The following CFB variants were observed in gnomAD, a reference collection of about 807,000 sequenced individuals.
CFB encodes the protein complement factor B, also known as B-factor, properdin.
Under a neutral mutation model 97.2 loss-of-function variants are expected in CFB, and 59 were observed. The observed-to-expected ratio is 0.61, with a 90% CI of 0.49 to 0.75. The LOEUF is 0.75. Among genes scored for constraint, CFB ranks in the 30% least tolerant of loss-of-function variants. The pLI is 0.00. For missense variants in CFB, 771 were observed against 959.8 expected (o/e 0.80, Z 2.60); for synonymous variants, 316 against 351.7 (o/e 0.90, Z 1.14).
intron 10 of CFB, 46 bp from the exon 11 acceptor site, chr6:31,950,004 G>A (rs1355013986): frequency 1.3e-6 from 2 of 1,588,176 alleles, no homozygotes; most frequent in South Asian, 1.1e-5. Flanking sequence ...CTGCCATTTG[G>A]GAATGAAGTG....
At position 31,946,268 on chromosome 6, in the gene CFB, T is replaced by G. The variant is rs1171498956; in HGVS notation, c.47T>G (p.Leu16Trp). Residue 16 changes from leucine (L) to tryptophan (W), a missense_variant, in exon 1 of 18, where the codon TTG becomes TGG. By Grantham distance (61) the Leu-to-Trp change is moderately conservative. Transcript: ENST00000425368. The surrounding 1 kb of genome is among the most constrained non-coding windows in gnomAD (Gnocchi z 6.4). ...SPQLCLMPFILGLLSGGVTTT... is the reference protein window; with the variant it reads ...SPQLCLMPFIWGLLSGGVTTT... ...CAACTCTGCCTGATGCCCTTTATCTTGGGCCTCTTGTCTGGAGGTAAGCGA... is the reference window on the plus strand; with the variant it reads ...CAACTCTGCCTGATGCCCTTTATCTGGGGCCTCTTGTCTGGAGGTAAGCGA... 2.5e-6 allele frequency: 4 copies of G among 1,613,106 alleles called. No homozygotes were observed. The highest frequency in any genetic ancestry group is 3.4e-6 in the Non-Finnish European group (4 of 1,180,026).
intron 10 of CFB, 33 bp from the exon 11 acceptor site, chr6:31,950,017 C>T: frequency 6.2e-7 from 1 of 1,606,530 alleles, no homozygotes; most frequent in Non-Finnish European, 8.5e-7. Context: ...ATGAAGTGTT[C>T]CGAGTTTTCA....
intron 12 of CFB, 60 bp downstream of exon 12, chr6:31,950,463 T>C (rs1212685109): frequency 6.4e-7 from 1 of 1,571,366 alleles, no homozygotes; most frequent in Non-Finnish European, 8.7e-7. Context: ...CACCTCCCAC[T>C]TTCTACAGAT....
rs199721960 is a variant in CFB, at chr6:31,947,923, G to A, written c.761-22G>A. 1 of 1,614,078 alleles carries A rather than the reference G, an allele frequency of 6.2e-7. No homozygotes were observed. The highest frequency in any genetic ancestry group is 1.3e-5 in the African/African-American group (1 of 74,932). On this transcript the variant is annotated intron_variant, in intron 5 of 17. Coordinates refer to ENST00000425368, the MANE Select transcript of CFB (RefSeq NM_001710.6). This position sits in a 1 kb window ranked among gnomAD's most constrained non-coding sequence, Gnocchi z 5.3. ...GACAGAACTGTTAATGCTGGAGCCT[G>A]AGCCACTCTCCTGGCACCCAGGGGA... is the stretch of plus-strand genomic sequence containing the variant.
intron 7 of CFB, 111 bp from the exon 8 acceptor site, chr6:31,948,719 T>C (rs757665416): frequency 2.5e-6 from 4 of 1,580,846 alleles, no homozygotes; most frequent in Non-Finnish European, 3.5e-6. Flanking sequence ...CGTGTAATGA[T>C]GATTAACTTA....
chr6:31,947,465 A>G lies in CFB; in HGVS notation c.602A>G (p.Gln201Arg). ...CSRGLTLRGS[Q>R]RRTCQEGGSW... ...CGGGGGCTTACCCTGCGTGGCTCCCAGCGGCGAACGTGTCAGGAAGGTGGC... is the reference window on the plus strand; with the variant it reads ...CGGGGGCTTACCCTGCGTGGCTCCCGGCGGCGAACGTGTCAGGAAGGTGGC... Residue 201 changes from glutamine to arginine, a missense_variant, in exon 4 of 18, where the codon CAG becomes CGG. Coordinates refer to ENST00000425368, the MANE Select transcript of CFB (RefSeq NM_001710.6). This position sits in a 1 kb window ranked among gnomAD's most constrained non-coding sequence, Gnocchi z 5.3. 6.2e-7 allele frequency: 1 copy of G among 1,613,000 alleles called. No homozygotes were observed. The highest frequency in any genetic ancestry group is 8.5e-7 in the Non-Finnish European group (1 of 1,180,014).
chr6:31,949,628 A>T (rs1037290000), intron 10 of CFB, 71 bp downstream of exon 10: 1 of 1,582,336 alleles, frequency 6.3e-7, no homozygotes, highest in Non-Finnish European at 8.6e-7. Flanking sequence ...TTCTTCCTCT[A>T]CACCTGAAGC....
chr6:31,949,151 T>C, intron 8 of CFB, 92 bp from the exon 9 acceptor site: 2 of 1,458,374 alleles, frequency 1.4e-6, no homozygotes, highest in Admixed American at 3.7e-5. Flanking sequence ...CTCTAACCCT[T>C]CCTCAACTTG....
rs1771760774 is a variant in CFB, at chr6:31,951,395, G to A, written c.2011G>A (p.Asp671Asn). Reference protein sequence around the residue: ...QYAPGYDKVKDISEVVTPRFL... With the variant: ...QYAPGYDKVKNISEVVTPRFL... Reference sequence around the variant, plus strand: ...TGCCCCAGGCTATGACAAAGTCAAGGACATCTCAGAGGTGGTCACCCCTCG... The same window carrying A: ...TGCCCCAGGCTATGACAAAGTCAAGAACATCTCAGAGGTGGTCACCCCTCG... Residue 671 changes from aspartate to asparagine, a missense_variant, in exon 16 of 18, where the codon GAC becomes AAC. Asp to Asn is a conservative substitution (Grantham distance 23). Coordinates refer to ENST00000425368, the MANE Select transcript of CFB (RefSeq NM_001710.6). The surrounding 1 kb of genome is among the most constrained non-coding windows in gnomAD (Gnocchi z 4.3). 2 of 1,614,078 alleles carry A rather than the reference G, an allele frequency of 1.2e-6. No individual in the cohort carries two copies. Among genetic ancestry groups the A allele is most frequent in the Non-Finnish European group, 1.7e-6 (2 of 1,180,046 alleles).
At position 31,947,691 on chromosome 6, in the gene CFB, A is replaced by C. The variant is rs756166832; in HGVS notation, c.659-51A>C. ...CCCATGATCCCCCGTCTCTTTGGTCACTGTATCCCTGACACTCCCAGACAT... is the reference window on the plus strand; with the variant it reads ...CCCATGATCCCCCGTCTCTTTGGTCCCTGTATCCCTGACACTCCCAGACAT... On this transcript the variant is annotated intron_variant, in intron 4 of 17. Transcript: ENST00000425368. This position sits in a 1 kb window ranked among gnomAD's most constrained non-coding sequence, Gnocchi z 5.3. 6.3e-7 allele frequency: 1 copy of C among 1,598,014 alleles called. No homozygotes were observed. Among genetic ancestry groups the C allele is most frequent in the African/African-American group, 1.3e-5 (1 of 74,608 alleles).
At position 31,946,613 on chromosome 6, in the gene CFB, G is replaced by A. The variant is rs779604940; in HGVS notation, c.298+7G>A. 4 of 1,605,302 alleles carry A rather than the reference G, an allele frequency of 2.5e-6. No homozygotes were observed. The highest frequency in any genetic ancestry group is 1.3e-5 in the African/African-American group (1 of 74,908). On this transcript the variant is annotated splice_region_variant and intron_variant, in intron 2 of 17. Transcript: ENST00000425368. The surrounding 1 kb of genome is among the most constrained non-coding windows in gnomAD (Gnocchi z 6.4). ...AGGAAGGCAGAGTGCAGAGGTTTGA[G>A]GGCAATGAGTGTGGGCAGTGGCCTA...
chr6:31,951,043 C>T lies in CFB; in HGVS notation c.1855+99C>T. On this transcript the variant is annotated intron_variant, in intron 14 of 17. Coordinates refer to ENST00000425368, the MANE Select transcript of CFB (RefSeq NM_001710.6). This position sits in a 1 kb window ranked among gnomAD's most constrained non-coding sequence, Gnocchi z 4.3. ...GGAAGAGATGATGCCTGGCCCAGAA[C>T]CTAGCTCTAGAAGGGCTTAGGGGAC... 6.4e-7 allele frequency: 1 copy of T among 1,571,834 alleles called. No homozygotes were observed.
chr6:31,950,630 C>T lies in CFB; in HGVS notation c.1636C>T (p.Arg546Trp), dbSNP rs745920524. 12 of 1,612,928 alleles carry T rather than the reference C, an allele frequency of 7.4e-6. No homozygotes were observed. Among genetic ancestry groups the T allele is most frequent in the East Asian group, 2.2e-5 (1 of 44,876 alleles). ...SIKVSVGGEK[R>W]DLEIEVVLFH... ...CTCTCCTACTTCAGGAGGGGAGAAGCGGGACCTGGAGATAGAAGTAGTCCT... is the reference window on the plus strand; with the variant it reads ...CTCTCCTACTTCAGGAGGGGAGAAGTGGGACCTGGAGATAGAAGTAGTCCT... The change falls in exon 13 of 18, where the codon CGG (arginine) becomes TGG (tryptophan). Residue 546 changes from arginine (R) to tryptophan (W), a missense_variant. Coordinates refer to ENST00000425368, the MANE Select transcript of CFB (RefSeq NM_001710.6).
At position 31,948,928 on chromosome 6, in the gene CFB, C is replaced by T. The variant is rs781563498; in HGVS notation, c.1135C>T (p.Arg379Cys). 25 of 1,612,600 alleles carry T rather than the reference C, an allele frequency of 1.6e-5. No homozygotes were observed. Among genetic ancestry groups the T allele is most frequent in the East Asian group, 6.7e-5 (3 of 44,890 alleles). The change falls in exon 8 of 18, where the codon CGC becomes TGC. Residue 379 changes from arginine to cysteine, a missense_variant. Arg to Cys is a radical substitution (Grantham distance 180). Coordinates refer to ENST00000425368, the MANE Select transcript of CFB (RefSeq NM_001710.6). ...TGACGTCCCTCCTGAAGGCTGGAACCGCACCCGCCATGTCATCATCCTCAT... is the reference window on the plus strand; with the variant it reads ...TGACGTCCCTCCTGAAGGCTGGAACTGCACCCGCCATGTCATCATCCTCAT... ...PDDVPPEGWN[R>C]TRHVIILMTD...
rs747240477 is a variant in CFB at position 31,946,724 on chromosome 6, C to T, written c.298+118C>T. The T allele has an allele frequency of 3.0e-6, 3 of 1,013,354 alleles. No individual in the cohort carries two copies. Among genetic ancestry groups the T allele is most frequent in the South Asian group, 2.7e-5 (2 of 73,678 alleles). The allele number at this position is 1,013,354 out of a possible 1,614,324, so 62.8% of individuals were successfully genotyped here. A position where few individuals can be genotyped will look rare whatever the true frequency, so the allele number is the denominator to read the frequency against. On this transcript the variant is annotated intron_variant, in intron 2 of 17. Coordinates refer to ENST00000425368, the MANE Select transcript of CFB (RefSeq NM_001710.6). The surrounding 1 kb of genome is among the most constrained non-coding windows in gnomAD (Gnocchi z 6.4). ...AAGGTGGGCTGACCGGGAGTAGGAG[C>T]AGTTTTAGGGTGGCAGGCGGAAAGG...
At position 31,948,811 on chromosome 6, in the gene CFB, G is replaced by C. The variant is rs753257507; in HGVS notation, c.1037-19G>C. 8.7e-6 allele frequency: 14 copies of C among 1,612,848 alleles called. No individual in the cohort carries two copies. The highest frequency in any genetic ancestry group is 1.2e-5 in the Non-Finnish European group (14 of 1,180,022). On this transcript the variant is annotated intron_variant, in intron 7 of 17. Coordinates refer to ENST00000425368, the MANE Select transcript of CFB (RefSeq NM_001710.6). Reference sequence around the variant, plus strand: ...GCTTGGAAGACCAGGTGAGGTGATGGTCTCTTCCCTCTCCACAGACCACAA... The same window carrying C: ...GCTTGGAAGACCAGGTGAGGTGATGCTCTCTTCCCTCTCCACAGACCACAA...
intron 7 of CFB, 88 bp from the exon 8 acceptor site, chr6:31,948,742 A>G (rs1395166929): frequency 1.3e-5 from 21 of 1,603,780 alleles, no homozygotes; most frequent in Non-Finnish European, 1.8e-5. Context: ...AAGTTGAAAG[A>G]TGTGGGATTT....
rs149691793 is a variant in CFB at position 31,949,568 on chromosome 6, A to C, written c.1408+11A>C. 46 of 1,612,926 alleles carry C rather than the reference A, an allele frequency of 2.9e-5. 4 individuals are homozygous for C. In the African/African-American group the frequency reaches 5.2e-4, roughly 18 times the overall value. ...TCTACCAAATGATCGGTAGGGAGAT[A>C]CAAGGGAATAAAGAACACAACTCTC... On this transcript the variant is annotated intron_variant, in intron 10 of 17. Transcript: ENST00000425368.
Position 31,951,166 on chromosome 6 carries a change from G to C in CFB, c.1878G>C (p.Gln626His). Residue 626 changes from glutamine to histidine, a missense_variant, in exon 15 of 18, where the codon CAG becomes CAC. By Grantham distance (24) the Gln-to-His change is conservative. Coordinates refer to ENST00000425368, the MANE Select transcript of CFB (RefSeq NM_001710.6). This position sits in a 1 kb window ranked among gnomAD's most constrained non-coding sequence, Gnocchi z 4.3. ...CAGAGGAAGAGCTGCTCCCTGCACA[G>C]GATATCAAAGCTCTGTTTGTGTCTG... Reference protein sequence around the residue: ...QQQKEELLPAQDIKALFVSEE... With the variant: ...QQQKEELLPAHDIKALFVSEE... 6.2e-7 allele frequency: 1 copy of C among 1,613,046 alleles called. No individual in the cohort carries two copies. Among genetic ancestry groups the C allele is most frequent in the African/African-American group, 1.3e-5 (1 of 75,056 alleles).
Sources: gnomAD v4.1 joint callset for allele counts on GRCh38, gnomAD v4.1.1 for gene constraint, Gnocchi (gnomAD v3.1) non-coding constraint, MANE v1.5 for transcripts, NCBI Gene and HGNC (gene_info 2026-07-23, HGNC 2026-07-21) for gene names.